The following PLCG2 variants were observed in gnomAD, a reference collection of about 807,000 sequenced individuals.
The protein encoded by PLCG2 is 1-phosphatidylinositol 4,5-bisphosphate phosphodiesterase gamma-2.
Under a neutral mutation model 175.6 loss-of-function variants are expected in PLCG2, and 69 were observed. The ratio of observed to expected loss-of-function variants is 0.39; its 90% CI spans 0.32 to 0.48. The LOEUF (loss-of-function observed/expected upper bound fraction) is 0.48, where lower values mean the gene tolerates loss of function less well. Ranked by LOEUF, PLCG2 falls within the 20% of genes least tolerant of loss-of-function variation. The probability of loss-of-function intolerance (pLI) is 0.91; values close to 1 mark genes in which losing one functional copy is unlikely to be tolerated. For missense variants in PLCG2, 1,798 were observed against 1,650.9 expected (o/e 1.09, Z -1.54); for synonymous variants, 827 against 624.0 (o/e 1.33, Z -4.85).
At position 81,957,840 on chromosome 16, in the gene PLCG2, TATACC is replaced by T. The variant is rs1359122408; in HGVS notation, c.3756-113_3756-109del. ...AGTCTGCCTCTCTGACACTCAGCCC[TATACC>T]ATCCAGCTATGAATGACTGGCAAAT... On this transcript the variant is annotated intron_variant, in intron 32 of 32. Transcript: ENST00000564138. 3.3e-5 allele frequency: 29 copies of T among 888,926 alleles called. No individual in the cohort carries two copies. In the African/African-American group the frequency reaches 4.4e-4, roughly 13 times the overall value. 55.1% of individuals were successfully genotyped at this position (888,926 alleles called of 1,614,324 possible). A position where few individuals can be genotyped will look rare whatever the true frequency, so the allele number is the denominator to read the frequency against.
At chr16:81,806,615 C>G (rs146806571) in intron 2 of PLCG2, among the ~76,000 whole-genome samples, 1 of 151,890 alleles carries the variant, frequency 6.6e-6, no homozygotes, top group East Asian at 1.9e-4. Flanking sequence ...AGCCTGCAGA[C>G]ATGTGATTCG....
intron 7 of PLCG2, among the ~76,000 whole-genome samples, chr16:81,877,973 A>ATTTTTTTTTTTTT (rs71146052): frequency 1.8e-5 from 1 of 55,762 alleles, no homozygotes; most frequent in Non-Finnish European, 3.0e-5. Context: ...TTTTTTTTTA[A>ATTTTTTTTTTTTT]TTTTTTTTTT....
Position 81,959,735 on chromosome 16 carries a change from C to T in PLCG2, c.*1737C>T, listed in dbSNP as rs767326004. ...GGCACTGGGATGAGTGCTGCAGGCA[C>T]TCTGTAGCCAGGGCCCCATTAGCCT... On this transcript the variant is annotated 3_prime_UTR_variant, in exon 33 of 33. Coordinates refer to ENST00000564138, the MANE Select transcript of PLCG2 (RefSeq NM_002661.5). The T allele has an allele frequency of 1.1e-5, 2 of 184,808 alleles. No individual in the cohort carries two copies. Among genetic ancestry groups the T allele is most frequent in the Admixed American group, 6.2e-5 (1 of 16,048 alleles). The allele number at this position is 184,808 out of a possible 1,614,324, so 11.4% of individuals were successfully genotyped here. A position where few individuals can be genotyped will look rare whatever the true frequency, so the allele number is the denominator to read the frequency against.
chr16:81,956,616 G>A (rs556640277), intron 31 of PLCG2, 79 bp from the exon 32 acceptor site: 1 of 1,319,026 alleles, frequency 7.6e-7, no homozygotes, highest in African/African-American at 1.4e-5. Context: ...CTTTGGGCAT[G>A]CTTGTGAGAT....
At chr16:81,884,070 G>T (rs1259452727) in intron 9 of PLCG2, among the ~76,000 whole-genome samples, 2 of 152,224 alleles carry the variant, frequency 1.3e-5, no homozygotes, top group African/African-American at 4.8e-5. Flanking sequence ...AGTATTCAGG[G>T]CCGGGTAGGG....
chr16:81,884,979 C>A (rs527894106), intron 9 of PLCG2, among the ~76,000 whole-genome samples: 1 of 152,250 alleles, frequency 6.6e-6, no homozygotes, highest in Non-Finnish European at 1.5e-5. Context: ...CCTCGACCTC[C>A]TGGGCTCAAC....
chr16:81,929,172 A>T (rs545875834), intron 24 of PLCG2, among the ~76,000 whole-genome samples: 9 of 152,188 alleles, frequency 5.9e-5, no homozygotes, highest in African/African-American at 1.9e-4. Context: ...AGTGGTGGCC[A>T]GGGTCTGATG....
Position 81,959,540 on chromosome 16 carries a change from A to T in PLCG2, c.*1542A>T. 4.8e-6 allele frequency: 1 copy of T among 206,772 alleles called. No homozygotes were observed. Among genetic ancestry groups the T allele is most frequent in the South Asian group, 1.9e-4 (1 of 5,288 alleles). The allele number at this position is 206,772 out of a possible 1,614,324, so 12.8% of individuals were successfully genotyped here. ...CCATTTACCTCGCTTGAAGCCAGGA[A>T]CACAGGGAACAGCAGTCTGGCCAAG... On this transcript the variant is annotated 3_prime_UTR_variant, in exon 33 of 33. Coordinates refer to ENST00000564138, the MANE Select transcript of PLCG2 (RefSeq NM_002661.5).
chr16:81,936,044 T>G, intron 26 of PLCG2, 125 bp from the exon 27 acceptor site: 1 of 1,473,448 alleles, frequency 6.8e-7, no homozygotes, highest in Non-Finnish European at 9.0e-7. Context: ...CAGAACCCCT[T>G]GAATGTCAAA....
At chr16:81,903,930 G>A (rs1464833326) in intron 14 of PLCG2, among the ~76,000 whole-genome samples, 1 of 152,268 alleles carries the variant, frequency 6.6e-6, no homozygotes, top group Non-Finnish European at 1.5e-5. Flanking sequence ...TTGGCCACAC[G>A]GTCACTTTGT....
At chr16:81,754,756 A>T (rs1173092601) in intron 1 of PLCG2, among the ~76,000 whole-genome samples, 3 of 152,024 alleles carry the variant, frequency 2.0e-5, no homozygotes, top group Non-Finnish European at 4.4e-5. Flanking sequence ...AAGGGACACC[A>T]ATAACTGCTC....
chr16:81,880,335 C>G (rs186248062), intron 7 of PLCG2, among the ~76,000 whole-genome samples: 41 of 152,344 alleles, frequency 2.7e-4, no homozygotes, highest in Non-Finnish European at 3.8e-4. Flanking sequence ...CAGAATTTAT[C>G]AAAGCCAATG....
chr16:81,745,382 C>A (rs2143052695), intron 1 of PLCG2, among the ~76,000 whole-genome samples: 2 of 152,320 alleles, frequency 1.3e-5, no homozygotes, highest in South Asian at 4.1e-4. Flanking sequence ...TGAAAATCTT[C>A]ATGTTTGACC....
Position 81,907,280 on chromosome 16 carries a change from A to T in PLCG2, c.1468-405A>T, listed in dbSNP as rs148723745. 3.8e-3 allele frequency among the ~76,000 whole-genome samples: 585 copies of T among 152,222 alleles called. 5 individuals carry two copies. The highest frequency in any genetic ancestry group is 0.014 in the African/African-American group (572 of 41,526). ...ACTTAACCCTGGTACTTTACAATAA[A>T]ACCAGAGACTAAATTTCATCGGGGG... is the stretch of plus-strand genomic sequence containing the variant. On this transcript the variant is annotated intron_variant, in intron 15 of 32. Coordinates refer to ENST00000564138, the MANE Select transcript of PLCG2 (RefSeq NM_002661.5).
chr16:81,838,240 C>T (rs147963598), intron 2 of PLCG2, among the ~76,000 whole-genome samples: 34 of 152,190 alleles, frequency 2.2e-4, no homozygotes, highest in Non-Finnish European at 4.0e-4. Flanking sequence ...GCACCTGCCA[C>T]CATGCCTGGC....
chr16:81,957,624 T>G (rs1220037964), intron 32 of PLCG2, among the ~76,000 whole-genome samples: 1 of 152,134 alleles, frequency 6.6e-6, no homozygotes, highest in Non-Finnish European at 1.5e-5. Context: ...TCATAATATG[T>G]CTAAATCTTC....
chr16:81,858,432 AGGG>A (rs398119556), intron 4 of PLCG2, 76 bp downstream of exon 4: 1 of 971,490 alleles, frequency 1.0e-6, no homozygotes, highest in Admixed American at 2.2e-5. Context: ...CATGGGCTAC[AGGG>A]GGGAAAAAAA....
In PLCG2 at chr16:81,869,270, G is replaced by A. The variant is rs1480706723; in HGVS notation, c.536G>A (p.Ser179Asn). 1.2e-6 allele frequency: 2 copies of A among 1,613,506 alleles called. No homozygotes were observed. Among genetic ancestry groups the A allele is most frequent in the African/African-American group, 2.7e-5 (2 of 74,912 alleles). The change falls in exon 6 of 33, where the codon AGT becomes AAT. Residue 179 changes from serine (S) to asparagine (N), a missense_variant. By Grantham distance (46) the Ser-to-Asn change is conservative (BLOSUM62 1). Coordinates refer to ENST00000564138, the MANE Select transcript of PLCG2 (RefSeq NM_002661.5). ...ILPLINFKVS[S>N]AKFLKDKFVE... is the part of the protein sequence containing the mutation. ...CCCCTGATCAACTTTAAAGTGAGCA[G>A]TGCCAAGTTCCTTAAAGATAAGTTT...
chr16:81,896,410 ACACACACACACACAC>A (rs1908891792), intron 13 of PLCG2, among the ~76,000 whole-genome samples: 2 of 115,278 alleles, frequency 1.7e-5, no homozygotes, highest in East Asian at 2.6e-4. Context: ...ACACACACAC[ACACACACACACACAC>A]AAATCATCTG....
Sources: allele counts gnomAD v4.1 joint callset (sites outside exome capture counted in the v4.1 genomes callset), GRCh38; gene constraint gnomAD v4.1.1; transcripts MANE v1.5; gene names NCBI Gene and HGNC (gene_info 2026-07-23, HGNC 2026-07-21).